Variants in OLFM1 observed in about 807,000 individuals in gnomAD.
OLFM1 encodes olfactomedin 1.
In OLFM1, 9 loss-of-function variants were observed where a neutral mutation model predicts 49.7. That is an observed-to-expected ratio of 0.18 (90% CI 0.11 to 0.32). The LOEUF is 0.32. OLFM1 is among the 10% of genes least tolerant of loss of function. The probability of loss-of-function intolerance (pLI) is 1.00; values close to 1 mark genes in which losing one functional copy is unlikely to be tolerated. For synonymous variants in OLFM1, 240 were observed against 271.8 expected (o/e 0.88, Z 1.15); for missense variants, 369 against 661.8 (o/e 0.56, Z 4.85).
intron 3 of OLFM1, chr9:135,097,940 A>G (rs1830822226): frequency 6.8e-7 from 1 of 1,473,968 alleles, no homozygotes; most frequent in African/African-American, 1.4e-5. Flanking sequence ...GAATACAACC[A>G]GGATCCTCCT....
At chr9:135,095,469 T>G (rs1414209907) in intron 2 of OLFM1, among the ~76,000 whole-genome samples, 4 of 150,714 alleles carry the variant, frequency 2.7e-5, no homozygotes, top group African/African-American at 9.8e-5. Context: ...CTAACTAATG[T>G]TGTCCTGCAA....
intron 5 of OLFM1, among the ~76,000 whole-genome samples, chr9:135,110,773 A>G (rs1588219530): frequency 6.6e-6 from 1 of 151,910 alleles, no homozygotes; most frequent in East Asian, 1.9e-4. Context: ...CTTTCCCACC[A>G]CCCATTCAGC....
chr9:135,076,413 C>T lies in OLFM1; in HGVS notation c.96+611C>T, dbSNP rs532344600. ...AGGAGGTGAGTGAGGAGCCCTGTGG[C>T]GTGCTGGTGTGGGGATCGTGGGCAT... On this transcript the variant is annotated intron_variant, in intron 1 of 5. Transcript: ENST00000252854. 4.1e-6 allele frequency: 6 copies of T among 1,475,832 alleles called. No homozygotes were observed. The South Asian group carries it at 4.2e-5, about 10-fold the overall frequency. The allele number at this position is 1,475,832 out of a possible 1,614,324, so 91.4% of individuals were successfully genotyped here. A position where few individuals can be genotyped will look rare whatever the true frequency, so the allele number is the denominator to read the frequency against.
chr9:135,105,231 TTTC>T (rs892831792), intron 4 of OLFM1, among the ~76,000 whole-genome samples: 2 of 152,200 alleles, frequency 1.3e-5, no homozygotes, highest in Admixed American at 1.3e-4. Context: ...GGCTGTGACA[TTTC>T]TTCTTCCAAT....
chr9:135,106,704 C>A (rs751622402), intron 4 of OLFM1, 45 bp from the exon 5 acceptor site: 2 of 1,535,272 alleles, frequency 1.3e-6, no homozygotes. Flanking sequence ...CACCGCGGGC[C>A]GGGGCCCCCG....
At chr9:135,076,704 C>T in intron 1 of OLFM1, 9 of 1,413,148 alleles carry the variant, frequency 6.4e-6, no homozygotes, top group Non-Finnish European at 8.4e-6. Flanking sequence ...GAGACTCTGG[C>T]CCTTTGGAGT....
chr9:135,100,909 G>A (rs1351159276), intron 4 of OLFM1, among the ~76,000 whole-genome samples: 1 of 135,684 alleles, frequency 7.4e-6, no homozygotes, highest in African/African-American at 2.6e-5. Context: ...TAGGTAGTTA[G>A]ATAGATAAAT....
intron 5 of OLFM1, among the ~76,000 whole-genome samples, chr9:135,114,861 A>C (rs10117901): frequency 6.6e-6 from 1 of 151,908 alleles, no homozygotes; most frequent in Non-Finnish European, 1.5e-5. Flanking sequence ...GGAATGAGGC[A>C]GCGGGAACCA....
chr9:135,077,439 CT>C, intron 1 of OLFM1: 1 of 586,802 alleles, frequency 1.7e-6, no homozygotes, highest in Non-Finnish European at 2.6e-6. Flanking sequence ...TGGGGAGAAA[CT>C]TTTGGTTCAA....
Position 135,098,154 on chromosome 9 carries a change from A to G in OLFM1, c.457-132A>G, listed in dbSNP as rs1830825006. The G allele has an allele frequency of 6.9e-7, 1 of 1,442,210 alleles. No homozygotes were observed. The highest frequency in any genetic ancestry group is 1.5e-5 in the South Asian group (1 of 67,856). The allele number at this position is 1,442,210 out of a possible 1,614,324, so 89.3% of individuals were successfully genotyped here. ...TAATATGCTCTTCTAACTCATTTGG[A>G]CCAGAACAAATAAGCCTGTAAATAA... On this transcript the variant is annotated intron_variant, in intron 3 of 5. Transcript: ENST00000371793. The surrounding 1 kb of genome is among the most constrained non-coding windows in gnomAD (Gnocchi z 5.6).
intron 5 of OLFM1, among the ~76,000 whole-genome samples, chr9:135,109,820 G>C (rs1373942808): frequency 3.9e-5 from 6 of 152,172 alleles, no homozygotes; most frequent in Admixed American, 3.9e-4. Context: ...GTTCAATGGG[G>C]CTGCCTAGTA....
chr9:135,095,845 C>A lies in OLFM1; in HGVS notation c.301-19C>A, dbSNP rs759070203. On this transcript the variant is annotated intron_variant, in intron 2 of 5. Transcript: ENST00000371793. ...CACCTACTGCGGCTGTTTTGCTGAA[C>A]CTGTTGCCCTTTTGACAGGTGCAGA... The A allele has an allele frequency of 3.1e-6, 5 of 1,611,226 alleles. No individual in the cohort carries two copies. The African/African-American group carries it at 4.0e-5, about 13-fold the overall frequency.
chr9:135,076,834 A>G lies in OLFM1; in HGVS notation c.96+1032A>G, dbSNP rs777230995. ...CAGAATAAAAGAGAAAACAAAGCAG[A>G]GAAGATGGGAGGGCCAGAGAGCGAG... On this transcript the variant is annotated intron_variant, in intron 1 of 5. Transcript: ENST00000252854. The G allele has an allele frequency of 1.7e-5, 27 of 1,548,952 alleles. No homozygotes were observed. The South Asian group carries it at 3.0e-4, about 17-fold the overall frequency.
chr9:135,084,834 C>A (rs374901688), upstream of OLFM1, among the ~76,000 whole-genome samples: 3 of 152,268 alleles, frequency 2.0e-5, no homozygotes, highest in East Asian at 3.9e-4. The surrounding 1 kb of genome is among the most constrained non-coding windows in gnomAD (Gnocchi z 4.6). Context: ...TTGCATCCTG[C>A]GGACCTCACT....
chr9:135,109,213 C>A (rs1208693783), intron 5 of OLFM1, among the ~76,000 whole-genome samples: 1 of 152,196 alleles, frequency 6.6e-6, no homozygotes, highest in Non-Finnish European at 1.5e-5. Flanking sequence ...GTTTTTGTAT[C>A]ACCTTCCTTT....
chr9:135,115,869 A>G (rs567866239), intron 5 of OLFM1, among the ~76,000 whole-genome samples: 1 of 152,232 alleles, frequency 6.6e-6, no homozygotes, highest in Non-Finnish European at 1.5e-5. Flanking sequence ...GCAAGAGATG[A>G]TGCCAGCGTC....
chr9:135,090,168 CTCCCT>C (rs755468145), intron 1 of OLFM1, 22 bp from the exon 2 acceptor site: 37 of 1,588,224 alleles, frequency 2.3e-5, no homozygotes, highest in Non-Finnish European at 3.1e-5. Context: ...CTCCTTCCCT[CTCCCT>C]TCCCGCCCCG....
intron 1 of OLFM1, chr9:135,076,335 T>C (rs1830465924): frequency 6.5e-7 from 1 of 1,548,846 alleles, no homozygotes; most frequent in Non-Finnish European, 8.7e-7. Context: ...GCCAGCTGTG[T>C]GCATTGCTGG....
rs1831169756 is a variant in OLFM1, at chr9:135,120,319, G to A, written c.*141G>A. On this transcript the variant is annotated 3_prime_UTR_variant, in exon 6 of 6. Transcript: ENST00000371793. Reference sequence around the variant, plus strand: ...AGTGCGGATTCTGACATCGAGGGATGGCATTACCTCCGTGTTTCTCCCTTT... The same window carrying A: ...AGTGCGGATTCTGACATCGAGGGATAGCATTACCTCCGTGTTTCTCCCTTT... 2.7e-6 allele frequency: 2 copies of A among 732,100 alleles called. No individual in the cohort carries two copies. The highest frequency in any genetic ancestry group is 3.8e-5 in the South Asian group (2 of 51,964). The allele number at this position is 732,100 out of a possible 1,614,324, so 45.4% of individuals were successfully genotyped here. A position where few individuals can be genotyped will look rare whatever the true frequency, so the allele number is the denominator to read the frequency against.
Sources: gnomAD v4.1 joint callset for allele counts (sites outside exome capture counted in the v4.1 genomes callset) on GRCh38, gnomAD v4.1.1 for gene constraint, Gnocchi (gnomAD v3.1) non-coding constraint, MANE v1.5 for transcripts, NCBI Gene and HGNC (gene_info 2026-07-23, HGNC 2026-07-21) for gene names.